Variants in LPAR5 observed in about 807,000 individuals in gnomAD.
LPAR5 encodes the protein G protein-coupled receptor 92.
For missense variants in LPAR5, 544 were observed against 521.8 expected (o/e 1.04, Z -0.41); for synonymous variants, 271 against 261.6 (o/e 1.04, Z -0.35).
At chr12:6,633,787 G>A (rs1410555818) in intron 1 of LPAR5, among the ~76,000 whole-genome samples, 1 of 152,162 alleles carries the variant, frequency 6.6e-6, no homozygotes, top group Admixed American at 6.5e-5. Context: ...GGTATGCACT[G>A]GGGGCAGCAG....
At chr12:6,629,121 A>T (rs1335015091) in intron 1 of LPAR5, among the ~76,000 whole-genome samples, 2 of 143,564 alleles carry the variant, frequency 1.4e-5, no homozygotes, top group East Asian at 4.5e-4. Flanking sequence ...CACGCCTGTA[A>T]TCCCAGCACT....
At chr12:6,635,704 C>A (rs1949004698) in intron 1 of LPAR5, among the ~76,000 whole-genome samples, 1 of 152,164 alleles carries the variant, frequency 6.6e-6, no homozygotes, top group African/African-American at 2.4e-5. Context: ...CGAGGTGTAG[C>A]AGGCATGTTA....
In LPAR5 at chr12:6,625,252, C is replaced by T. The variant is rs142412090; in HGVS notation, c.-216-3788G>A. Among the ~76,000 whole-genome samples the T allele has an allele frequency of 5.7e-3, 866 of 150,834 alleles. 9 individuals carry two copies. Among genetic ancestry groups the T allele is most frequent in the Middle Eastern group, 0.01 (3 of 290 alleles). ...CATCCTGGCTAACACGGTGAAATCT[C>T]GTCTCTTTTAAAAATGCAAAAAATT... On this transcript the variant is annotated intron_variant, in intron 1 of 1. Coordinates refer to ENST00000329858, the MANE Select transcript of LPAR5 (RefSeq NM_020400.6).
intron 1 of LPAR5, among the ~76,000 whole-genome samples, chr12:6,624,074 T>G (rs574930482): frequency 1.6e-4 from 24 of 152,226 alleles, no homozygotes; most frequent in Non-Finnish European, 2.8e-4. Context: ...CAAACTGGGT[T>G]CAGCTTAATG....
In LPAR5 at chr12:6,621,356, G is replaced by T; in HGVS notation, c.-108C>A. 1.8e-6 allele frequency: 2 copies of T among 1,128,690 alleles called. No individual in the cohort carries two copies. The highest frequency in any genetic ancestry group is 2.3e-6 in the Non-Finnish European group (2 of 853,972). The allele number at this position is 1,128,690 out of a possible 1,614,324, so 69.9% of individuals were successfully genotyped here. A position where few individuals can be genotyped will look rare whatever the true frequency, so the allele number is the denominator to read the frequency against. On this transcript the variant is annotated 5_prime_UTR_variant, in exon 2 of 2. Transcript: ENST00000329858. The stretch of plus-strand genomic sequence containing the variant: ...GGGGCCTAGAGGCTGTACAGACATG[G>T]TCCCAAAACAAGCAGAGGGAGGTCA...
intron 1 of LPAR5, among the ~76,000 whole-genome samples, chr12:6,628,545 C>T (rs570902077): frequency 3.1e-4 from 47 of 152,120 alleles, no homozygotes; most frequent in Non-Finnish European, 6.2e-4. Context: ...ACTGCAACCT[C>T]CGCCTCCCGG....
chr12:6,620,234 T>G lies in LPAR5; in HGVS notation c.1015A>C (p.Thr339Pro). ...GCGGCATCCGGCCTGGTGGCGTCGG[T>G]GGTGACGGCGGACCTTTCGGATTGC... is the stretch of plus-strand genomic sequence containing the variant. ...LAQSERSAVTTDATRPDAASQ... is the reference protein window; with the variant it reads ...LAQSERSAVTPDATRPDAASQ... The change falls in exon 2 of 2, where the codon ACC becomes CCC. Residue 339 changes from threonine (T) to proline (P), a missense_variant. Transcript: ENST00000329858. This position sits in a 1 kb window ranked among gnomAD's most constrained non-coding sequence, Gnocchi z 6.8. The G allele has an allele frequency of 6.2e-7, 1 of 1,611,568 alleles. No homozygotes were observed. The highest frequency in any genetic ancestry group is 8.5e-7 in the Non-Finnish European group (1 of 1,178,980).
chr12:6,627,737 T>C (rs1460251849), intron 1 of LPAR5, among the ~76,000 whole-genome samples: 1 of 152,174 alleles, frequency 6.6e-6, no homozygotes, highest in Non-Finnish European at 1.5e-5. Flanking sequence ...GAGCGCACCT[T>C]GCAGACACAT....
intron 1 of LPAR5, among the ~76,000 whole-genome samples, chr12:6,633,709 G>C (rs983422588): frequency 6.6e-6 from 1 of 151,724 alleles, no homozygotes; most frequent in Non-Finnish European, 1.5e-5. Flanking sequence ...CACTGTGCCC[G>C]GCCATTCTCC....
chr12:6,627,889 A>G (rs865907206), intron 1 of LPAR5, among the ~76,000 whole-genome samples: 16 of 151,586 alleles, frequency 1.1e-4, no homozygotes, highest in African/African-American at 3.6e-4. Context: ...TCTTGTATCA[A>G]TCTTGTCCAA....
Position 6,621,377 on chromosome 12 carries a change from G to C in LPAR5, c.-129C>G. 1.1e-6 allele frequency: 1 copy of C among 947,946 alleles called. No homozygotes were observed. Among genetic ancestry groups the C allele is most frequent in the Non-Finnish European group, 1.4e-6 (1 of 692,650 alleles). The allele number at this position is 947,946 out of a possible 1,614,324, so 58.7% of individuals were successfully genotyped here. The stretch of plus-strand genomic sequence containing the variant: ...CATGGTCCCAAAACAAGCAGAGGGA[G>C]GTCATGGGAATGTGGGCTATGGCTG... On this transcript the variant is annotated 5_prime_UTR_variant, in exon 2 of 2. Transcript: ENST00000329858.
chr12:6,620,790 G>T lies in LPAR5; in HGVS notation c.459C>A (p.Ala153=), dbSNP rs3741924. 6.3e-7 allele frequency: 1 copy of T among 1,580,460 alleles called. No individual in the cohort carries two copies. Residue 153 remains alanine (A), a synonymous_variant, in exon 2 of 2, where the codon GCC becomes GCA. Coordinates refer to ENST00000329858, the MANE Select transcript of LPAR5 (RefSeq NM_020400.6). The surrounding 1 kb of genome is among the most constrained non-coding windows in gnomAD (Gnocchi z 6.8). ...GCCTGTGCACGCGGGCGGCGGGCAC[G>T]GCAAACACCAGGATGAGCGCCCACA... ...LGVWALILVF[A]VPAARVHRPS... is the part of the protein sequence containing the mutation.
chr12:6,628,495 C>T (rs184673231), intron 1 of LPAR5, among the ~76,000 whole-genome samples: 9 of 152,036 alleles, frequency 5.9e-5, no homozygotes, highest in African/African-American at 2.2e-4. Context: ...TTCGCATGCT[C>T]TGTCACCCAG....
intron 1 of LPAR5, among the ~76,000 whole-genome samples, chr12:6,627,538 C>T (rs1266905646): frequency 6.6e-6 from 1 of 152,202 alleles, no homozygotes; most frequent in Non-Finnish European, 1.5e-5. Context: ...TTGCAGTGAG[C>T]AGAGATCGTG....
chr12:6,635,888 A>G lies in LPAR5; in HGVS notation c.-217+19T>C, dbSNP rs955267029. The G allele has an allele frequency of 1.3e-5, 2 of 152,148 alleles. No individual in the cohort carries two copies. Among genetic ancestry groups the G allele is most frequent in the East Asian group, 1.9e-4 (1 of 5,152 alleles). The allele number at this position is 152,148 out of a possible 1,614,324, so 9.4% of individuals were successfully genotyped here. On this transcript the variant is annotated intron_variant, in intron 1 of 1. Transcript: ENST00000329858. Reference sequence around the variant, plus strand: ...CCCCTTGTGCTCCCTGTGCAGTTCAATTCGTGACACCCCCATACCTGTGCT... The same window carrying G: ...CCCCTTGTGCTCCCTGTGCAGTTCAGTTCGTGACACCCCCATACCTGTGCT...
rs1387749411 is a variant in LPAR5, at chr12:6,618,964, T to G, written c.*1166A>C. The stretch of plus-strand genomic sequence containing the variant: ...TTCAGGACAAGTATGGTTCTCAAAG[T>G]GTGATCCAGGGACCAACCCTCTGAG... On this transcript the variant is annotated 3_prime_UTR_variant, in exon 2 of 2. Coordinates refer to ENST00000329858, the MANE Select transcript of LPAR5 (RefSeq NM_020400.6). 6.6e-6 allele frequency: 1 copy of G among 152,186 alleles called. No individual in the cohort carries two copies. Among genetic ancestry groups the G allele is most frequent in the Non-Finnish European group, 1.5e-5 (1 of 68,046 alleles). 9.4% of individuals were successfully genotyped at this position (152,186 alleles called of 1,614,324 possible).
chr12:6,624,254 C>G (rs1948916769), intron 1 of LPAR5, among the ~76,000 whole-genome samples: 1 of 152,104 alleles, frequency 6.6e-6, no homozygotes, highest in Non-Finnish European at 1.5e-5. Flanking sequence ...AAGTGCTCCC[C>G]TAGCAGGTCT....
chr12:6,630,828 G>A (rs1156425161), intron 1 of LPAR5, among the ~76,000 whole-genome samples: 4 of 152,174 alleles, frequency 2.6e-5, no homozygotes, highest in African/African-American at 9.7e-5. Flanking sequence ...GGCCCAAGCT[G>A]AGCACTGAGA....
At chr12:6,626,226 G>A (rs1592299795) in intron 1 of LPAR5, among the ~76,000 whole-genome samples, 1 of 152,208 alleles carries the variant, frequency 6.6e-6, no homozygotes, top group East Asian at 1.9e-4. Flanking sequence ...AGTGAGCTAA[G>A]ATCGCGCCAC....
Sources: allele counts gnomAD v4.1 joint callset (sites outside exome capture counted in the v4.1 genomes callset), GRCh38; gene constraint gnomAD v4.1.1; non-coding constraint Gnocchi (gnomAD v3.1); transcripts MANE v1.5; gene names NCBI Gene and HGNC (gene_info 2026-07-23, HGNC 2026-07-21).